RPTOR: variants seen among roughly 807,000 people sequenced by gnomAD.
RPTOR encodes regulatory associated protein of MTOR complex 1.
Under a neutral mutation model 169.9 loss-of-function variants are expected in RPTOR, and 21 were observed. The observed-to-expected ratio is 0.12, with a 90% confidence interval of 0.09 to 0.18. The LOEUF (loss-of-function observed/expected upper bound fraction) is 0.18. Ranked by LOEUF, RPTOR falls within the 10% of genes least tolerant of loss-of-function variation. RPTOR has a pLI of 1.00. For missense variants in RPTOR, 1,133 were observed against 1,855.9 expected (o/e 0.61, Z 7.16); for synonymous variants, 732 against 753.2 (o/e 0.97, Z 0.46).
At chr17:80,744,541 C>CACAGCCCTGGTTACGAGCACTGT (rs2066543448) in intron 5 of RPTOR, among the ~76,000 whole-genome samples, 1 of 55,046 alleles carries the variant, frequency 1.8e-5, no homozygotes. Context: ...ACTAGCACAG[C>CACAGCCCTGGTTACGAGCACTGT]CCTGGCTACT....
chr17:80,588,104 C>CT (rs1330600842), intron 1 of RPTOR, among the ~76,000 whole-genome samples: 7 of 149,316 alleles, frequency 4.7e-5, no homozygotes, highest in East Asian at 2.0e-4. Context: ...GGATTTCCTT[C>CT]TTTTTTTTAA....
intron 1 of RPTOR, chr17:80,593,724 A>G (rs1331510600): frequency 1.3e-5 from 2 of 152,214 alleles, no homozygotes; most frequent in Admixed American, 6.5e-5. Flanking sequence ...ATTTGCAACA[A>G]TGAAAAACAT....
intron 28 of RPTOR, 103 bp downstream of exon 28, chr17:80,949,650 C>T (rs897294960): frequency 4.3e-6 from 4 of 926,344 alleles, no homozygotes; most frequent in African/African-American, 3.2e-5. Context: ...ACAGGCTGCT[C>T]CACCTCAGAG....
chr17:80,811,403 A>T (rs1237817968), intron 7 of RPTOR, among the ~76,000 whole-genome samples: 1 of 152,230 alleles, frequency 6.6e-6, no homozygotes, highest in Non-Finnish European at 1.5e-5. Flanking sequence ...GATGTTAAAC[A>T]GTCTTGCATC....
intron 5 of RPTOR, among the ~76,000 whole-genome samples, chr17:80,731,978 A>G (rs1598264079): frequency 6.6e-6 from 1 of 152,292 alleles, no homozygotes. Context: ...CACATGCAAC[A>G]AGTTTGTTTG....
At chr17:80,922,433 C>T (rs1184967676) in intron 21 of RPTOR, among the ~76,000 whole-genome samples, 1 of 152,208 alleles carries the variant, frequency 6.6e-6, no homozygotes, top group Non-Finnish European at 1.5e-5. Flanking sequence ...GGCTTCAGGC[C>T]CTGACCCCTC....
At chr17:80,709,864 G>A (rs971438726) in intron 4 of RPTOR, among the ~76,000 whole-genome samples, 4 of 152,128 alleles carry the variant, frequency 2.6e-5, no homozygotes, top group African/African-American at 9.7e-5. Context: ...CTATCGGTTT[G>A]AGGGAATTCT....
At chr17:80,751,633 C>T (rs1052209588) in intron 5 of RPTOR, among the ~76,000 whole-genome samples, 2 of 152,180 alleles carry the variant, frequency 1.3e-5, no homozygotes, top group African/African-American at 4.8e-5. Context: ...CACCCCCACC[C>T]ATATTCATCG....
intron 20 of RPTOR, among the ~76,000 whole-genome samples, chr17:80,906,429 G>A (rs868305946): frequency 1.6e-4 from 24 of 152,300 alleles, no homozygotes; most frequent in Middle Eastern, 3.4e-3. Flanking sequence ...CAGTACACGC[G>A]GTGCAGGACC....
chr17:80,754,349 T>C lies in RPTOR; in HGVS notation c.830+164T>C, dbSNP rs758171998. ...GTCATTCGGGATTCCAGGTGGAGGT[T>C]TGGGTTCTACTCTTTGAGAGCTCAA... On this transcript the variant is annotated intron_variant, in intron 6 of 33. Coordinates refer to ENST00000306801, the MANE Select transcript of RPTOR (RefSeq NM_020761.3). This position sits in a 1 kb window ranked among gnomAD's most constrained non-coding sequence, Gnocchi z 4.2. 6.6e-5 allele frequency among the ~76,000 whole-genome samples: 10 copies of C among 152,118 alleles called. No homozygotes were observed. Among genetic ancestry groups the C allele is most frequent in the Non-Finnish European group, 1.5e-4 (10 of 68,024 alleles).
intron 24 of RPTOR, among the ~76,000 whole-genome samples, chr17:80,938,355 C>A (rs112726459): frequency 7.7e-4 from 118 of 152,352 alleles, no homozygotes; most frequent in African/African-American, 2.8e-3. Context: ...CAGTTCCTCT[C>A]CCTTCCCACT....
At chr17:80,809,438 C>T (rs2143569279) in intron 7 of RPTOR, among the ~76,000 whole-genome samples, 1 of 152,326 alleles carries the variant, frequency 6.6e-6, no homozygotes, top group East Asian at 1.9e-4. Context: ...GTGATCCACC[C>T]ACCTCGGCCA....
chr17:80,693,151 G>A (rs9905909), intron 3 of RPTOR, among the ~76,000 whole-genome samples: 4,642 of 152,292 alleles, frequency 0.03, 241 homozygotes, highest in African/African-American at 0.1. Context: ...AGCTTGGCCC[G>A]ATTGGCATTT....
chr17:80,929,297 G>A (rs1241950969), intron 24 of RPTOR, among the ~76,000 whole-genome samples: 1 of 152,206 alleles, frequency 6.6e-6, no homozygotes, highest in African/African-American at 2.4e-5. Flanking sequence ...GAACAAGCAC[G>A]GGAGGAGGCT....
chr17:80,945,591 CA>C (rs761785992), intron 25 of RPTOR, 75 bp from the exon 26 acceptor site: 159 of 995,628 alleles, frequency 1.6e-4, no homozygotes, highest in Non-Finnish European at 1.8e-4. Flanking sequence ...GACTCCGTCT[CA>C]AAAAAAATAA....
intron 1 of RPTOR, among the ~76,000 whole-genome samples, chr17:80,584,004 T>A (rs1245241441): frequency 6.6e-6 from 1 of 152,192 alleles, no homozygotes; most frequent in Non-Finnish European, 1.5e-5. Flanking sequence ...GTGAAGGTGC[T>A]GTTGGTTGTT....
rs981075113 is a variant in RPTOR, at chr17:80,878,438, C to A, written c.1510-1977C>A. Among the ~76,000 whole-genome samples, 1 of 152,154 alleles carries A rather than the reference C, an allele frequency of 6.6e-6. No homozygotes were observed. The highest frequency in any genetic ancestry group is 2.4e-5 in the African/African-American group (1 of 41,438). On this transcript the variant is annotated intron_variant, in intron 13 of 33. Transcript: ENST00000306801. This position sits in a 1 kb window ranked among gnomAD's most constrained non-coding sequence, Gnocchi z 4.1. Reference sequence around the variant, plus strand: ...CTCAGCTCACTACAGCCTCCGCCTCCCAGGTTCCAGCGATTCTCCTGCCTC... The same window carrying A: ...CTCAGCTCACTACAGCCTCCGCCTCACAGGTTCCAGCGATTCTCCTGCCTC...
intron 1 of RPTOR, among the ~76,000 whole-genome samples, chr17:80,548,385 T>G (rs1157667265): frequency 1.4e-5 from 2 of 142,234 alleles, no homozygotes; most frequent in Non-Finnish European, 3.1e-5. Context: ...TTTTTTTTTT[T>G]TTTTTTTTTT....
chr17:80,777,123 T>G (rs956428281), intron 6 of RPTOR, among the ~76,000 whole-genome samples: 16 of 151,706 alleles, frequency 1.1e-4, no homozygotes, highest in Admixed American at 8.5e-4. Context: ...TGTAATCCCA[T>G]CTACTGGGGA....
Sources: allele counts gnomAD v4.1 joint callset (sites outside exome capture counted in the v4.1 genomes callset), GRCh38; gene constraint gnomAD v4.1.1; non-coding constraint Gnocchi (gnomAD v3.1); transcripts MANE v1.5; gene names NCBI Gene and HGNC (gene_info 2026-07-23, HGNC 2026-07-21).